Variants in MTHFD1L observed in about 807,000 individuals in gnomAD.
MTHFD1L encodes methylenetetrahydrofolate dehydrogenase (NADP+ dependent) 1 like.
A neutral mutation model predicts 119.5 loss-of-function variants in MTHFD1L; 81 were observed. The observed-to-expected ratio is 0.68, with a 90% CI of 0.57 to 0.82. The LOEUF is 0.82. Among genes scored for constraint, MTHFD1L ranks in the 40% least tolerant of loss-of-function variants. The pLI is 0.00. For missense variants in MTHFD1L, 1,125 were observed against 1,253.4 expected (o/e 0.90, Z 1.55); for synonymous variants, 430 against 475.2 (o/e 0.90, Z 1.24).
intron 20 of MTHFD1L, 101 bp from the exon 21 acceptor site, chr6:151,009,718 G>A (rs1781953890): frequency 1.5e-6 from 2 of 1,307,406 alleles, no homozygotes; most frequent in African/African-American, 3.0e-5. Context: ...TAAACAAAAG[G>A]AATGTAAGCT....
chr6:151,064,807 TG>T (rs1791056618), intron 26 of MTHFD1L, among the ~76,000 whole-genome samples: 1 of 151,830 alleles, frequency 6.6e-6, no homozygotes, highest in Admixed American at 6.6e-5. Context: ...TTTGTTTTTT[TG>T]TTTTTTTGTT....
intron 16 of MTHFD1L, among the ~76,000 whole-genome samples, chr6:150,951,625 T>C (rs1437234537): frequency 3.3e-5 from 5 of 152,208 alleles, no homozygotes; most frequent in Non-Finnish European, 5.9e-5. Context: ...GAACCACAAC[T>C]TACTTAAGCA....
chr6:151,072,618 G>A (rs368397958), intron 26 of MTHFD1L, among the ~76,000 whole-genome samples: 2 of 151,964 alleles, frequency 1.3e-5, no homozygotes, highest in East Asian at 1.9e-4. Flanking sequence ...TTGAAACCCC[G>A]TCTCTACCAA....
chr6:151,076,736 A>G (rs1047220813), intron 26 of MTHFD1L, among the ~76,000 whole-genome samples: 4 of 152,068 alleles, frequency 2.6e-5, no homozygotes, highest in African/African-American at 9.7e-5. Context: ...TGGTAGGAAT[A>G]TATAACAGTA....
At chr6:150,999,791 G>A (rs1161408665) in intron 20 of MTHFD1L, among the ~76,000 whole-genome samples, 1 of 152,156 alleles carries the variant, frequency 6.6e-6, no homozygotes, top group Admixed American at 6.5e-5. Context: ...TGCTCTGGAG[G>A]AAGGAAATTC....
intron 8 of MTHFD1L, among the ~76,000 whole-genome samples, chr6:150,909,973 G>A (rs1583500946): frequency 6.6e-6 from 1 of 152,134 alleles, no homozygotes; most frequent in South Asian, 2.1e-4. Flanking sequence ...TTGAAGTCAG[G>A]AGTTCGAGAC....
intron 11 of MTHFD1L, chr6:150,935,478 T>C (rs1371705577): frequency 5.0e-6 from 8 of 1,607,018 alleles, no homozygotes; most frequent in African/African-American, 1.3e-5. Context: ...TGTGCAATCA[T>C]AGGAGATGGC....
At chr6:151,011,798 C>T (rs1782268128) in intron 21 of MTHFD1L, among the ~76,000 whole-genome samples, 1 of 151,864 alleles carries the variant, frequency 6.6e-6, no homozygotes. Flanking sequence ...CGTGGTGGCT[C>T]ATGCCTGTAA....
At position 150,916,484 on chromosome 6, in the gene MTHFD1L, TTTTTTTTTTTTTTTTG is replaced by T. The variant is rs1349072107; in HGVS notation, c.893-2092_893-2077del. ...CCCAGCTAATTTTTTTTTTTTTTTT[TTTTTTTTTTTTTTTTG>T]GTATTTTTAGTAGAGATGGGGTTGC... On this transcript the variant is annotated intron_variant, in intron 8 of 27. Coordinates refer to ENST00000367321, the MANE Select transcript of MTHFD1L (RefSeq NM_015440.5). Among the ~76,000 whole-genome samples, 118 of 52,828 alleles carry T rather than the reference TTTTTTTTTTTTTTTTG, an allele frequency of 2.2e-3. 3 individuals carry two copies. The highest frequency in any genetic ancestry group is 6.0e-3 in the Middle Eastern group (1 of 166). 34.7% of individuals were successfully genotyped at this position (52,828 alleles called of 152,430 possible).
intron 7 of MTHFD1L, among the ~76,000 whole-genome samples, chr6:150,894,374 CTCTG>C (rs950144475): frequency 1.3e-5 from 2 of 152,272 alleles, no homozygotes; most frequent in East Asian, 1.9e-4. Flanking sequence ...GTCTCCAGCT[CTCTG>C]TCTGTGAGGT....
At chr6:151,046,851 G>A (rs1432739123) in intron 26 of MTHFD1L, among the ~76,000 whole-genome samples, 1 of 152,144 alleles carries the variant, frequency 6.6e-6, no homozygotes, top group African/African-American at 2.4e-5. Context: ...CAGTTTGAGG[G>A]TATAGTGGGA....
At chr6:150,874,551 C>A (rs1003404061) in intron 1 of MTHFD1L, among the ~76,000 whole-genome samples, 6 of 152,208 alleles carry the variant, frequency 3.9e-5, no homozygotes, top group Admixed American at 3.9e-4. Context: ...AGGTGCAGTG[C>A]AAGACCCTGT....
chr6:151,011,901 T>C (rs1782286727), intron 21 of MTHFD1L, among the ~76,000 whole-genome samples: 1 of 151,386 alleles, frequency 6.6e-6, no homozygotes, highest in African/African-American at 2.4e-5. Flanking sequence ...CTCAGGAGGC[T>C]GAGGCAAGAG....
chr6:150,885,199 G>T (rs1173620186), intron 5 of MTHFD1L, among the ~76,000 whole-genome samples: 5 of 135,086 alleles, frequency 3.7e-5, no homozygotes, highest in Admixed American at 7.5e-5. Context: ...TTTTTTATGG[G>T]TTTTTTTTTT....
intron 8 of MTHFD1L, among the ~76,000 whole-genome samples, chr6:150,909,201 A>C (rs1786447726): frequency 6.6e-6 from 1 of 152,044 alleles, no homozygotes; most frequent in African/African-American, 2.4e-5. Context: ...GCATGAGTCC[A>C]ATGTTTAGAT....
chr6:150,873,017 T>C (rs919340281), intron 1 of MTHFD1L, among the ~76,000 whole-genome samples: 1 of 151,968 alleles, frequency 6.6e-6, no homozygotes, highest in African/African-American at 2.4e-5. Context: ...CCGACTTACC[T>C]ATAGAAGTGT....
At chr6:151,038,808 G>A (rs1786603576) in intron 26 of MTHFD1L, among the ~76,000 whole-genome samples, 1 of 152,140 alleles carries the variant, frequency 6.6e-6, no homozygotes, top group Non-Finnish European at 1.5e-5. Context: ...TACCGTGGGG[G>A]CCGGGGGAAG....
intron 24 of MTHFD1L, among the ~76,000 whole-genome samples, chr6:151,030,331 A>T (rs933640707): frequency 6.6e-5 from 10 of 152,224 alleles, no homozygotes; most frequent in African/African-American, 1.9e-4. Flanking sequence ...TGCAGGCCAG[A>T]GACTGGATGC....
At chr6:151,002,998 G>T (rs532111726) in intron 20 of MTHFD1L, among the ~76,000 whole-genome samples, 2 of 152,284 alleles carry the variant, frequency 1.3e-5, no homozygotes, top group African/African-American at 4.8e-5. Context: ...ATTGCTAAGT[G>T]TCCAGGTGGG....
Sources: gnomAD v4.1 joint callset for allele counts (sites outside exome capture counted in the v4.1 genomes callset) on GRCh38, gnomAD v4.1.1 for gene constraint, MANE v1.5 for transcripts, NCBI Gene and HGNC (gene_info 2026-07-23, HGNC 2026-07-21) for gene names.